The following ABRAXAS2 variants were observed in gnomAD, a reference collection of about 807,000 sequenced individuals.
ABRAXAS2 encodes the protein BRISC complex subunit Abraxas 2.
In ABRAXAS2, 23 loss-of-function variants were observed where a neutral mutation model predicts 49.0. That is an observed-to-expected ratio of 0.47 (90% CI 0.34 to 0.66). The LOEUF is 0.66. ABRAXAS2 is among the 30% of genes least tolerant of loss of function. The pLI, the probability that ABRAXAS2 is intolerant of heterozygous loss-of-function variation, is 0.01. For synonymous variants in ABRAXAS2, 168 were observed against 180.2 expected (o/e 0.93, Z 0.54); for missense variants, 443 against 511.9 (o/e 0.87, Z 1.30).
chr10:124,826,588 C>T lies in ABRAXAS2; in HGVS notation c.268-7C>T. The T allele has an allele frequency of 6.2e-7, 1 of 1,601,290 alleles. No individual in the cohort carries two copies. The highest frequency in any genetic ancestry group is 8.5e-7 in the Non-Finnish European group (1 of 1,172,638). On this transcript the variant is annotated splice_region_variant and splice_polypyrimidine_tract_variant and intron_variant, in intron 4 of 8. Coordinates refer to ENST00000298492, the MANE Select transcript of ABRAXAS2 (RefSeq NM_032182.4). ...ATTTCATGCAACTTTTCACACTTTTCTTTCAGAAAGTCATTGGGTGGTACA... is the reference window on the plus strand; with the variant it reads ...ATTTCATGCAACTTTTCACACTTTTTTTTCAGAAAGTCATTGGGTGGTACA...
Position 124,834,855 on chromosome 10 carries a change from G to C in ABRAXAS2, c.1132G>C (p.Glu378Gln). The change falls in exon 9 of 9, where the codon GAA (glutamate) becomes CAA (glutamine). Residue 378 changes from glutamate to glutamine, a missense_variant. Glu to Gln is a conservative substitution (Grantham distance 29). Coordinates refer to ENST00000298492, the MANE Select transcript of ABRAXAS2 (RefSeq NM_032182.4). ...SGEDSDDSDY[E>Q]NLIDPTEPSN... is the part of the protein sequence containing the mutation. ...TGAGGATTCAGACGACAGTGATTATGAAAATTTGATTGACCCTACAGAGCC... is the reference window on the plus strand; with the variant it reads ...TGAGGATTCAGACGACAGTGATTATCAAAATTTGATTGACCCTACAGAGCC... The C allele has an allele frequency of 6.2e-7, 1 of 1,614,100 alleles. No individual in the cohort carries two copies. Among genetic ancestry groups the C allele is most frequent in the Non-Finnish European group, 8.5e-7 (1 of 1,180,028 alleles).
Position 124,834,714 on chromosome 10 carries a change from A to T in ABRAXAS2, c.991A>T (p.Met331Leu), listed in dbSNP as rs781548081. ...CTCTCGCATGGAAAGGAGTGTCTTT[A>T]TGCCTCGACCTCAAGCTGTGGGCTC... ...SHSRMERSVF[M>L]PRPQAVGSSN... The change falls in exon 9 of 9, where the codon ATG becomes TTG. Residue 331 changes from methionine (M) to leucine (L), a missense_variant. Physicochemically the swap from Met to Leu is conservative, Grantham distance 15. Coordinates refer to ENST00000298492, the MANE Select transcript of ABRAXAS2 (RefSeq NM_032182.4). The T allele has an allele frequency of 1.2e-6, 2 of 1,614,168 alleles. No individual in the cohort carries two copies. The highest frequency in any genetic ancestry group is 1.7e-6 in the Non-Finnish European group (2 of 1,180,046).
intron 3 of ABRAXAS2, 109 bp downstream of exon 3, chr10:124,816,721 A>C (rs974697555): frequency 2.3e-4 from 169 of 749,914 alleles, no homozygotes; most frequent in Non-Finnish European, 3.6e-4. Flanking sequence ...GAGGGTACCC[A>C]AATCCATGTA....
In ABRAXAS2 at chr10:124,831,463, A is replaced by G; in HGVS notation, c.778A>G (p.Arg260Gly). 6.7e-7 allele frequency: 1 copy of G among 1,494,770 alleles called. No homozygotes were observed. Among genetic ancestry groups the G allele is most frequent in the Non-Finnish European group, 9.3e-7 (1 of 1,074,080 alleles). 92.6% of individuals were successfully genotyped at this position (1,494,770 alleles called of 1,614,324 possible). The change falls in exon 8 of 9, where the codon AGA (arginine) becomes GGA (glycine). Residue 260 changes from arginine to glycine, a missense_variant and splice_region_variant. Arg to Gly is a moderately radical substitution (Grantham distance 125). Transcript: ENST00000298492. ...GAAAAATGAAAAGGAACAAGAAAGA[A>G]GTAAGTTTCTTATTAATTTTACCAT... ...QRKNEKEQER[R>G]LQQAVLSRQM... is the part of the protein sequence containing the mutation.
chr10:124,805,567 T>A lies in ABRAXAS2; in HGVS notation c.73-1264T>A, dbSNP rs543130695. Among the ~76,000 whole-genome samples the A allele has an allele frequency of 9.2e-5, 14 of 152,306 alleles. No individual in the cohort carries two copies. The South Asian group carries it at 2.3e-3, about 25-fold the overall frequency. Reference sequence around the variant, plus strand: ...CTGGGTGCTGAGATAGAGCAGTGAATAAGCACACAGTCCCTGCTCTCGTGG... The same window carrying A: ...CTGGGTGCTGAGATAGAGCAGTGAAAAAGCACACAGTCCCTGCTCTCGTGG... On this transcript the variant is annotated intron_variant, in intron 1 of 8. Coordinates refer to ENST00000298492, the MANE Select transcript of ABRAXAS2 (RefSeq NM_032182.4).
intron 8 of ABRAXAS2, 80 bp downstream of exon 8, chr10:124,831,543 T>A (rs1358206910): frequency 2.7e-6 from 2 of 743,938 alleles, no homozygotes; most frequent in Non-Finnish European, 2.2e-6. Context: ...CAATAAATTA[T>A]GTGCCTCTTT....
In ABRAXAS2 at chr10:124,806,895, G is replaced by C. The variant is rs951349260; in HGVS notation, c.137G>C (p.Ser46Thr). ...ETFSISDSQI[S>T]NTEFLQVIEI... ...TTTAGCATCAGTGACTCACAAATCA[G>C]CAACACAGAATTTCTGCAAGTAATT... is the stretch of plus-strand genomic sequence containing the variant. Residue 46 changes from serine to threonine, a missense_variant, in exon 2 of 9, where the codon AGC becomes ACC. This residue lies in a region of ABRAXAS2 where 166 missense variants were observed against 247.3 expected (regional missense o/e 0.67). Coordinates refer to ENST00000298492, the MANE Select transcript of ABRAXAS2 (RefSeq NM_032182.4). 3.1e-6 allele frequency: 5 copies of C among 1,611,388 alleles called. No homozygotes were observed. Among genetic ancestry groups the C allele is most frequent in the Admixed American group, 1.7e-5 (1 of 59,824 alleles).
At chr10:124,814,629 C>T (rs1324621340) in intron 2 of ABRAXAS2, among the ~76,000 whole-genome samples, 1 of 152,010 alleles carries the variant, frequency 6.6e-6, no homozygotes, top group Non-Finnish European at 1.5e-5. Context: ...GTGTGAGCTA[C>T]TGCACCTGGC....
Position 124,826,692 on chromosome 10 carries a change from T to G in ABRAXAS2, c.365T>G (p.Val122Gly). 6.2e-7 allele frequency: 1 copy of G among 1,614,232 alleles called. No homozygotes were observed. The highest frequency in any genetic ancestry group is 8.5e-7 in the Non-Finnish European group (1 of 1,180,036). The change falls in exon 5 of 9, where the codon GTG (valine) becomes GGG (glycine). Residue 122 changes from valine to glycine, a missense_variant. Coordinates refer to ENST00000298492, the MANE Select transcript of ABRAXAS2 (RefSeq NM_032182.4). ...AAGCAGCTCACCCGCATCCTCGGCG[T>G]GCCCGACCTCGTCTTTCTTCTCTTC... is the stretch of plus-strand genomic sequence containing the variant. The part of the protein sequence containing the change: ...LHKQLTRILG[V>G]PDLVFLLFSF...
At chr10:124,810,660 G>A (rs1169599382) in intron 2 of ABRAXAS2, among the ~76,000 whole-genome samples, 1 of 150,106 alleles carries the variant, frequency 6.7e-6, no homozygotes, top group East Asian at 2.0e-4. Context: ...TCAGCTCACT[G>A]CAGCCTCCAC....
chr10:124,830,821 A>T (rs1950928168), intron 7 of ABRAXAS2, among the ~76,000 whole-genome samples: 1 of 152,236 alleles, frequency 6.6e-6, no homozygotes. Context: ...ATACCAAATC[A>T]CATAGAGTGT....
At chr10:124,834,372 A>C in intron 8 of ABRAXAS2, 130 bp from the exon 9 acceptor site, 1 of 691,924 alleles carries the variant, frequency 1.4e-6, no homozygotes, top group Non-Finnish European at 2.4e-6. Context: ...TTGTAAAATA[A>C]TTAATAGTGA....
chr10:124,822,284 A>T (rs1191689155), intron 4 of ABRAXAS2, among the ~76,000 whole-genome samples: 1 of 152,236 alleles, frequency 6.6e-6, no homozygotes, highest in Non-Finnish European at 1.5e-5. Context: ...TTACATGAAA[A>T]AAAGCAGATT....
At chr10:124,801,947 C>T (rs1392988319) in intron 1 of ABRAXAS2, 46 bp downstream of exon 1, 2 of 1,589,502 alleles carry the variant, frequency 1.3e-6, no homozygotes, top group African/African-American at 1.4e-5. Context: ...CTTTCAGCCT[C>T]TGTCTCAGGC....
intron 8 of ABRAXAS2, among the ~76,000 whole-genome samples, chr10:124,833,624 T>TAA (rs1234366179): frequency 6.6e-6 from 1 of 152,228 alleles, no homozygotes; most frequent in Non-Finnish European, 1.5e-5. Flanking sequence ...GTCTGATACT[T>TAA]ACAATTTAGT....
At position 124,829,439 on chromosome 10, in the gene ABRAXAS2, A is replaced by G; in HGVS notation, c.625A>G (p.Ile209Val). 1.2e-6 allele frequency: 2 copies of G among 1,611,020 alleles called. No individual in the cohort carries two copies. Among genetic ancestry groups the G allele is most frequent in the Non-Finnish European group, 1.7e-6 (2 of 1,178,170 alleles). Residue 209 changes from isoleucine to valine, a missense_variant, in exon 7 of 9, where the codon ATT becomes GTT. This residue lies in a region of ABRAXAS2 where 166 missense variants were observed against 247.3 expected (regional missense o/e 0.67). Transcript: ENST00000298492. ...KDGVMKDIRA[I>V]YQVYNALQEK... ...TGGAGTGATGAAAGACATCAGGGCG[A>G]TTTATCAGGTTTATAATGCACTTCA...
In ABRAXAS2 at chr10:124,816,529, A is replaced by G. The variant is rs765447784; in HGVS notation, c.164-47A>G. 51 of 1,368,498 alleles carry G rather than the reference A, an allele frequency of 3.7e-5. No homozygotes were observed. The African/African-American group carries it at 4.2e-4, about 11-fold the overall frequency. The allele number at this position is 1,368,498 out of a possible 1,614,324, so 84.8% of individuals were successfully genotyped here. On this transcript the variant is annotated intron_variant, in intron 2 of 8. Transcript: ENST00000298492. Reference sequence around the variant, plus strand: ...GTCCTGAGCTATTTTATAGTTGCCTATGTCTTACATGATTAACTAAGATGT... The same window carrying G: ...GTCCTGAGCTATTTTATAGTTGCCTGTGTCTTACATGATTAACTAAGATGT...
rs1950737165 is a variant in ABRAXAS2, at chr10:124,805,592, G to T, written c.73-1239G>T. On this transcript the variant is annotated intron_variant, in intron 1 of 8. Transcript: ENST00000298492. Reference sequence around the variant, plus strand: ...TAAGCACACAGTCCCTGCTCTCGTGGAGTTTACATTCTGGCAAGGGATAAT... The same window carrying T: ...TAAGCACACAGTCCCTGCTCTCGTGTAGTTTACATTCTGGCAAGGGATAAT... Among the ~76,000 whole-genome samples, 3 of 152,146 alleles carry T rather than the reference G, an allele frequency of 2.0e-5. No individual in the cohort carries two copies. In the South Asian group the frequency reaches 6.2e-4, roughly 31 times the overall value.
intron 3 of ABRAXAS2, 126 bp from the exon 4 acceptor site, chr10:124,819,258 C>T (rs780035158): frequency 3.1e-6 from 2 of 636,170 alleles, no homozygotes; most frequent in Admixed American, 2.7e-5. Context: ...TCTTTATTCA[C>T]CTGTGTAAAC....
Sources: gnomAD v4.1 joint callset for allele counts (sites outside exome capture counted in the v4.1 genomes callset) on GRCh38, gnomAD v4.1.1 for gene constraint, gnomAD v4.1.1 regional missense constraint, MANE v1.5 for transcripts, NCBI Gene and HGNC (gene_info 2026-07-23, HGNC 2026-07-21) for gene names.